Variants in NMI observed in about 807,000 individuals in gnomAD.
The protein encoded by NMI is N-myc-interactor.
A neutral mutation model predicts 34.3 loss-of-function variants in NMI; 39 were observed. That is an observed-to-expected ratio of 1.14 (90% CI 0.88 to 1.49). The LOEUF (loss-of-function observed/expected upper bound fraction) is 1.49, where lower values mean the gene tolerates loss of function less well. Ranked by LOEUF, NMI falls within the 40% of genes most tolerant of loss-of-function variation. The probability of loss-of-function intolerance (pLI) is 0.00; values close to 1 mark genes in which losing one functional copy is unlikely to be tolerated. For missense variants in NMI, 339 were observed against 358.1 expected (o/e 0.95, Z 0.43); for synonymous variants, 113 against 120.3 (o/e 0.94, Z 0.40).
At chr2:151,271,402 G>A (rs1032453590) in intron 7 of NMI, among the ~76,000 whole-genome samples, 6 of 152,184 alleles carry the variant, frequency 3.9e-5, no homozygotes, top group Admixed American at 3.3e-4. Context: ...GCCATTATCT[G>A]AGTAATTTCA....
At chr2:151,281,775 A>C (rs1278862791) in intron 3 of NMI, among the ~76,000 whole-genome samples, 173 bp downstream of exon 3, 1 of 152,206 alleles carries the variant, frequency 6.6e-6, no homozygotes, top group Non-Finnish European at 1.5e-5. Flanking sequence ...CAATTCACTA[A>C]TTCGTTCTAC....
At chr2:151,271,811 A>G (rs926806197) in intron 6 of NMI, 79 bp from the exon 7 acceptor site, 5 of 722,044 alleles carry the variant, frequency 6.9e-6, no homozygotes, top group African/African-American at 3.6e-5. Context: ...TCCTTCAAAG[A>G]GAACACTATT....
chr2:151,284,599 T>G (rs1422433509), intron 1 of NMI, among the ~76,000 whole-genome samples: 1 of 152,060 alleles, frequency 6.6e-6, no homozygotes, highest in African/African-American at 2.4e-5. Flanking sequence ...CCACAGGCAT[T>G]GACTAAATGT....
intron 7 of NMI, among the ~76,000 whole-genome samples, 178 bp from the exon 8 acceptor site, chr2:151,271,053 T>C (rs1683176467): frequency 6.6e-6 from 1 of 152,208 alleles, no homozygotes; most frequent in Non-Finnish European, 1.5e-5. Flanking sequence ...AAGAGAACTC[T>C]GGTGGCATTA....
chr2:151,281,812 C>T (rs1383402442), intron 3 of NMI, 136 bp downstream of exon 3: 1 of 640,344 alleles, frequency 1.6e-6, no homozygotes, highest in South Asian at 1.9e-5. Context: ...GGTTGTTTTC[C>T]ATTTTGAACT....
chr2:151,277,611 T>G (rs1683312814), intron 4 of NMI: 1 of 152,214 alleles, frequency 6.6e-6, no homozygotes, highest in African/African-American at 2.4e-5. Flanking sequence ...TATCTTTTAG[T>G]TATATCCCGA....
At chr2:151,279,937 C>T (rs958658719) in intron 3 of NMI, among the ~76,000 whole-genome samples, 1 of 151,972 alleles carries the variant, frequency 6.6e-6, no homozygotes, top group Non-Finnish European at 1.5e-5. Context: ...GGCTCACACT[C>T]GTAATCCCAG....
chr2:151,283,277 G>T (rs1683440529), intron 1 of NMI, among the ~76,000 whole-genome samples: 1 of 152,034 alleles, frequency 6.6e-6, no homozygotes, highest in Non-Finnish European at 1.5e-5. Context: ...AAGTAGTTGG[G>T]ATTACAGGTA....
At chr2:151,283,934 T>A (rs1683450169) in intron 1 of NMI, among the ~76,000 whole-genome samples, 1 of 152,244 alleles carries the variant, frequency 6.6e-6, no homozygotes, top group African/African-American at 2.4e-5. Context: ...TAAAATAGTT[T>A]GTGTTTAACA....
Position 151,281,944 on chromosome 2 carries a change from G to A in NMI, c.177+4C>T. The stretch of plus-strand genomic sequence containing the variant: ...TGTAGTATATAAAATAATTAAGAGA[G>A]TACCTGGAATTCTTTGGTAGCCTCT... On this transcript the variant is annotated splice_donor_region_variant and intron_variant, in intron 3 of 7. Transcript: ENST00000243346. 1 of 1,396,830 alleles carries A rather than the reference G, an allele frequency of 7.2e-7. No individual in the cohort carries two copies. Among genetic ancestry groups the A allele is most frequent in the Non-Finnish European group, 1.0e-6 (1 of 991,120 alleles). 86.5% of individuals were successfully genotyped at this position (1,396,830 alleles called of 1,614,324 possible). A position where few individuals can be genotyped will look rare whatever the true frequency, so the allele number is the denominator to read the frequency against.
Position 151,271,845 on chromosome 2 carries a change from T to C in NMI, c.635-113A>G, listed in dbSNP as rs138449654. The C allele has an allele frequency of 2.2e-4, 132 of 589,414 alleles. 3 individuals are homozygous for C. In the East Asian group the frequency reaches 2.9e-3, roughly 13 times the overall value. 36.5% of individuals were successfully genotyped at this position (589,414 alleles called of 1,614,324 possible). A position where few individuals can be genotyped will look rare whatever the true frequency, so the allele number is the denominator to read the frequency against. ...TTACAGTAAATATTGAGTTAAAAGATTAATTTTTAAGAAATTCTAAAGCCC... is the reference window on the plus strand; with the variant it reads ...TTACAGTAAATATTGAGTTAAAAGACTAATTTTTAAGAAATTCTAAAGCCC... On this transcript the variant is annotated intron_variant, in intron 6 of 7. Transcript: ENST00000243346.
intron 1 of NMI, among the ~76,000 whole-genome samples, 161 bp from the exon 2 acceptor site, chr2:151,283,115 A>G (rs1340511534): frequency 6.6e-6 from 1 of 151,990 alleles, no homozygotes; most frequent in African/African-American, 2.4e-5. Context: ...CTTATATCCA[A>G]ACAAAGTCTG....
intron 4 of NMI, chr2:151,278,613 A>G (rs1454140657): frequency 2.0e-6 from 1 of 490,808 alleles, no homozygotes; most frequent in Non-Finnish European, 3.7e-6. Flanking sequence ...ATTAAGTCCC[A>G]CAGTCATGGC....
At chr2:151,285,676 C>G (rs531819935) in intron 1 of NMI, among the ~76,000 whole-genome samples, 1 of 151,914 alleles carries the variant, frequency 6.6e-6, no homozygotes, top group South Asian at 2.1e-4. Flanking sequence ...GCTGAGAAGG[C>G]CTGGGAGAGC....
intron 1 of NMI, among the ~76,000 whole-genome samples, chr2:151,288,627 C>T (rs1558879459): frequency 6.6e-6 from 1 of 152,030 alleles, no homozygotes; most frequent in Non-Finnish European, 1.5e-5. Context: ...GCCACTAAAG[C>T]CATGTAATTT....
intron 4 of NMI, chr2:151,278,009 T>C (rs1288768250): frequency 3.3e-5 from 5 of 152,242 alleles, no homozygotes; most frequent in Non-Finnish European, 7.3e-5. Context: ...TTTAAGCTTC[T>C]GTATCCTTAT....
chr2:151,287,362 C>CAT (rs1309324420), intron 1 of NMI, among the ~76,000 whole-genome samples: 1 of 150,988 alleles, frequency 6.6e-6, no homozygotes, highest in African/African-American at 2.4e-5. Context: ...TACATATATA[C>CAT]ATATATATCG....
In NMI at chr2:151,284,244, A is replaced by T. The variant is rs1021021537; in HGVS notation, c.-6-1290T>A. Among the ~76,000 whole-genome samples, 149 of 152,224 alleles carry T rather than the reference A, an allele frequency of 9.8e-4. 2 individuals carry two copies. The highest frequency in any genetic ancestry group is 3.2e-4 in the Non-Finnish European group (22 of 68,028). On this transcript the variant is annotated intron_variant, in intron 1 of 7. Transcript: ENST00000243346. ...CGTGGTGCCAGGTGCCTATAATCCC[A>T]GTCATATTTCAATACAATTGATTTA... is the stretch of plus-strand genomic sequence containing the variant.
At chr2:151,286,422 A>C (rs1683497818) in intron 1 of NMI, among the ~76,000 whole-genome samples, 1 of 152,210 alleles carries the variant, frequency 6.6e-6, no homozygotes, top group Admixed American at 6.5e-5. Flanking sequence ...ATGATCCTCA[A>C]CTGGATCCTT....
Sources: allele counts gnomAD v4.1 joint callset (sites outside exome capture counted in the v4.1 genomes callset), GRCh38; gene constraint gnomAD v4.1.1; transcripts MANE v1.5; gene names NCBI Gene and HGNC (gene_info 2026-07-23, HGNC 2026-07-21).